EYA1: variants seen among roughly 807,000 people sequenced by gnomAD.
EYA1 encodes protein phosphatase EYA1.
A neutral mutation model predicts 82.0 loss-of-function variants in EYA1; 16 were observed. The observed-to-expected ratio is 0.20, with a 90% CI of 0.13 to 0.30. The LOEUF (loss-of-function observed/expected upper bound fraction) is 0.30, where lower values mean the gene tolerates loss of function less well. Among genes scored for constraint, EYA1 ranks in the 10% least tolerant of loss-of-function variants. EYA1 has a pLI of 1.00. For synonymous variants in EYA1, 261 were observed against 264.4 expected (o/e 0.99, Z 0.12); for missense variants, 633 against 730.7 (o/e 0.87, Z 1.54).
At position 71,425,568 on chromosome 8, in the gene EYA1, A is replaced by AG. The variant is rs769832234; in HGVS notation, c.34-69058dup. Among the ~76,000 whole-genome samples, 3 of 152,032 alleles carry AG rather than the reference A, an allele frequency of 2.0e-5. 1 individual carries two copies. Among genetic ancestry groups the AG allele is most frequent in the African/African-American group, 4.8e-5 (2 of 41,434 alleles). On this transcript the variant is annotated intron_variant, in intron 2 of 18. Coordinates refer to the EYA1 transcript ENST00000643681. Reference sequence around the variant, plus strand: ...AAAGTACCTTCTGCACACAACCATAAGGGGGGAAATTTCCCTTATCTAAGG... The same window carrying AG: ...AAAGTACCTTCTGCACACAACCATAAGGGGGGGAAATTTCCCTTATCTAAGG...
intron 2 of EYA1, among the ~76,000 whole-genome samples, chr8:71,425,431 G>A (rs1472440659): frequency 6.6e-6 from 1 of 152,128 alleles, no homozygotes; most frequent in Non-Finnish European, 1.5e-5. Context: ...ATCCAAAAAT[G>A]ATGTTCCCCT....
At chr8:71,442,000 A>G (rs567190189) in intron 2 of EYA1, among the ~76,000 whole-genome samples, 1 of 152,328 alleles carries the variant, frequency 6.6e-6, no homozygotes, top group East Asian at 1.9e-4. Flanking sequence ...ACCAGACACC[A>G]ATCTGCCTGC....
chr8:71,493,134 T>C (rs753546056), intron 2 of EYA1, among the ~76,000 whole-genome samples: 2 of 152,224 alleles, frequency 1.3e-5, no homozygotes, highest in East Asian at 3.8e-4. Flanking sequence ...ATGGTGTATA[T>C]GTACCACATT....
intron 12 of EYA1, among the ~76,000 whole-genome samples, chr8:71,240,345 G>C (rs1039894364): frequency 6.6e-6 from 1 of 151,928 alleles, no homozygotes; most frequent in South Asian, 2.1e-4. Flanking sequence ...ACCCGGGCTA[G>C]GAGTCTACAT....
chr8:71,444,802 C>T (rs992596129), intron 2 of EYA1, among the ~76,000 whole-genome samples: 6 of 152,218 alleles, frequency 3.9e-5, no homozygotes, highest in Admixed American at 6.5e-5. Flanking sequence ...TCTACACCAT[C>T]GACCAGATTT....
chr8:71,351,721 C>T (rs2218488), intron 3 of EYA1, among the ~76,000 whole-genome samples: 127,075 of 152,210 alleles, frequency 0.83, 53,098 homozygotes, highest in Middle Eastern at 0.88. Context: ...TTAGGATAAT[C>T]TGGCAGCAGA....
chr8:71,306,225 G>A (rs1490108916), intron 7 of EYA1, among the ~76,000 whole-genome samples: 2 of 151,212 alleles, frequency 1.3e-5, no homozygotes, highest in Non-Finnish European at 2.9e-5. Context: ...CTGGCACAGG[G>A]TGAGAATAAA....
chr8:71,487,405 T>C (rs1810656118), intron 2 of EYA1, among the ~76,000 whole-genome samples: 1 of 152,166 alleles, frequency 6.6e-6, no homozygotes, highest in South Asian at 2.1e-4. Context: ...CTGAGACTTT[T>C]CCTGAAACTA....
chr8:71,420,967 T>A lies in EYA1; in HGVS notation c.34-64456A>T, dbSNP rs538466046. 7.2e-5 allele frequency among the ~76,000 whole-genome samples: 11 copies of A among 152,286 alleles called. 1 individual carries two copies. Among genetic ancestry groups the A allele is most frequent in the African/African-American group, 2.2e-4 (9 of 41,568 alleles). On this transcript the variant is annotated intron_variant, in intron 2 of 18. Transcript: ENST00000643681. Reference sequence around the variant, plus strand: ...TAGACTAGGCATACTCTTGATTTTTTAAAAAAGTTAAACATAACTTTTCAT... The same window carrying A: ...TAGACTAGGCATACTCTTGATTTTTAAAAAAAGTTAAACATAACTTTTCAT...
At chr8:71,456,461 C>T (rs1807921956) in intron 2 of EYA1, among the ~76,000 whole-genome samples, 2 of 152,080 alleles carry the variant, frequency 1.3e-5, no homozygotes, top group African/African-American at 4.8e-5. Context: ...CAATCCTAAG[C>T]CAAAAGAACA....
intron 2 of EYA1, among the ~76,000 whole-genome samples, chr8:71,406,394 C>T (rs1830224044): frequency 6.6e-6 from 1 of 152,202 alleles, no homozygotes; most frequent in Non-Finnish European, 1.5e-5. Context: ...ATAGGAACAG[C>T]TCCGGTCTAC....
intron 4 of EYA1, among the ~76,000 whole-genome samples, chr8:71,325,606 T>G (rs1198314353): frequency 6.6e-6 from 1 of 152,214 alleles, no homozygotes; most frequent in Non-Finnish European, 1.5e-5. Context: ...ATTTTAAGTT[T>G]TTTTAATAAA....
intron 2 of EYA1, among the ~76,000 whole-genome samples, chr8:71,407,766 G>A (rs1481888209): frequency 7.2e-6 from 1 of 138,024 alleles, no homozygotes; most frequent in Non-Finnish European, 1.6e-5. Context: ...TGAAAGTGAT[G>A]CGGAGAATGG....
intron 9 of EYA1, among the ~76,000 whole-genome samples, chr8:71,295,896 G>C (rs1819544968): frequency 6.6e-6 from 1 of 151,934 alleles, no homozygotes; most frequent in African/African-American, 2.4e-5. Flanking sequence ...TGAGTTTAAA[G>C]ACATGGCTAG....
intron 2 of EYA1, among the ~76,000 whole-genome samples, chr8:71,375,557 A>C (rs1281842503): frequency 3.3e-5 from 5 of 152,210 alleles, no homozygotes; most frequent in Non-Finnish European, 7.3e-5. Context: ...AATTCAGCTG[A>C]AAAGTGAGGA....
intron 7 of EYA1, among the ~76,000 whole-genome samples, chr8:71,309,195 C>G (rs766628602): frequency 5.3e-5 from 8 of 152,046 alleles, no homozygotes; most frequent in Non-Finnish European, 8.8e-5. Flanking sequence ...TGATATATTT[C>G]TATATATTTT....
At chr8:71,395,356 C>T (rs1395594171) in intron 2 of EYA1, among the ~76,000 whole-genome samples, 1 of 152,186 alleles carries the variant, frequency 6.6e-6, no homozygotes. Context: ...GAGAGGGCAT[C>T]CCTGTCTTGT....
At chr8:71,405,841 C>CA (rs1410762405) in intron 2 of EYA1, among the ~76,000 whole-genome samples, 6 of 152,190 alleles carry the variant, frequency 3.9e-5, no homozygotes, top group Non-Finnish European at 7.3e-5. Flanking sequence ...TTATCACTGA[C>CA]AAACTTTCTG....
chr8:71,321,519 C>G (rs113672328), intron 6 of EYA1, among the ~76,000 whole-genome samples: 8 of 152,170 alleles, frequency 5.3e-5, no homozygotes, highest in Non-Finnish European at 1.0e-4. Flanking sequence ...AGAAGGCATA[C>G]GAACCACATA....
Sources: allele counts gnomAD v4.1 joint callset (sites outside exome capture counted in the v4.1 genomes callset), GRCh38; gene constraint gnomAD v4.1.1; transcripts MANE v1.5; gene names NCBI Gene and HGNC (gene_info 2026-07-23, HGNC 2026-07-21).